The following FGF6 variants were observed in gnomAD, a reference collection of about 807,000 sequenced individuals.
FGF6 encodes the protein fibroblast growth factor 6, also known as FGF-6.
A neutral mutation model predicts 18.4 loss-of-function variants in FGF6; 14 were observed. The ratio of observed to expected loss-of-function variants is 0.76; its 90% CI spans 0.50 to 1.19. The LOEUF is 1.19. Ranked by LOEUF, FGF6 falls within the 50% of genes most tolerant of loss-of-function variation. The pLI is 0.00. For missense variants in FGF6, 266 were observed against 271.6 expected (o/e 0.98, Z 0.15); for synonymous variants, 125 against 116.7 (o/e 1.07, Z -0.46).
At chr12:4,438,651 C>T (rs1248326009) in intron 2 of FGF6, among the ~76,000 whole-genome samples, 1 of 142,182 alleles carries the variant, frequency 7.0e-6, no homozygotes, top group Non-Finnish European at 1.5e-5. Context: ...GTCCCAGCTA[C>T]TTGGGAGGCT....
Sources: gnomAD v4.1 joint callset for allele counts (sites outside exome capture counted in the v4.1 genomes callset) on GRCh38, gnomAD v4.1.1 for gene constraint, MANE v1.5 for transcripts, NCBI Gene and HGNC (gene_info 2026-07-23, HGNC 2026-07-21) for gene names.